STPG2: variants seen among roughly 807,000 people sequenced by gnomAD.
STPG2 encodes sperm-tail PG-rich repeat-containing protein 2.
In STPG2, 56 loss-of-function variants were observed where a neutral mutation model predicts 54.2. That is an observed-to-expected ratio of 1.03 (90% CI 0.83 to 1.29). The LOEUF is 1.29. Ranked by LOEUF, STPG2 falls within the 50% of genes most tolerant of loss-of-function variation. The pLI is 0.00. For missense variants in STPG2, 596 were observed against 544.9 expected, an observed-to-expected ratio of 1.09 and a Z score of -0.93; for synonymous variants, 200 against 181.8, an observed-to-expected ratio of 1.10 and a Z score of -0.81.
At chr4:97,508,367 TC>T (rs1200369600) in intron 4 of STPG2, among the ~76,000 whole-genome samples, 2 of 152,090 alleles carry the variant, frequency 1.3e-5, no homozygotes, top group Admixed American at 1.3e-4. Context: ...ACATGACACA[TC>T]TATGGCACAT....
chr4:97,993,661 T>G (rs2149270945), intron 5 of STPG2, among the ~76,000 whole-genome samples: 1 of 152,258 alleles, frequency 6.6e-6, no homozygotes, highest in East Asian at 1.9e-4. Flanking sequence ...ATAGGATTGG[T>G]ACCAATTCTT....
chr4:97,598,947 G>C (rs750215702), intron 10 of STPG2, among the ~76,000 whole-genome samples: 10 of 151,968 alleles, frequency 6.6e-5, no homozygotes, highest in Admixed American at 2.0e-4. Flanking sequence ...AAACTAAAGA[G>C]CTTCTGCCAG....
intron 8 of STPG2, among the ~76,000 whole-genome samples, chr4:97,938,677 A>T (rs1008731389): frequency 2.0e-5 from 3 of 152,008 alleles, no homozygotes; most frequent in Non-Finnish European, 4.4e-5. Flanking sequence ...TGGCACGCTC[A>T]CTCACTGCCT....
At chr4:97,938,406 C>T (rs1202961123) in intron 8 of STPG2, among the ~76,000 whole-genome samples, 1 of 139,594 alleles carries the variant, frequency 7.2e-6, no homozygotes, top group Admixed American at 7.3e-5. Context: ...ATGGCTATCC[C>T]TCCCTCGGGG....
intron 10 of STPG2, among the ~76,000 whole-genome samples, chr4:97,566,196 T>A (rs1407693784): frequency 6.6e-6 from 1 of 152,150 alleles, no homozygotes; most frequent in East Asian, 1.9e-4. Context: ...CAGACTGCTG[T>A]GCTAGCAATC....
At chr4:97,703,654 A>G (rs1335004216) in intron 10 of STPG2, among the ~76,000 whole-genome samples, 1 of 134,250 alleles carries the variant, frequency 7.4e-6, no homozygotes, top group African/African-American at 3.1e-5. Flanking sequence ...AACATATATA[A>G]ATAAAACATA....
In STPG2 at chr4:97,559,369, G is replaced by T. The variant is rs72889085; in HGVS notation, c.1321-252C>A. On this transcript the variant is annotated intron_variant, in intron 10 of 10. Coordinates refer to ENST00000295268, the MANE Select transcript of STPG2 (RefSeq NM_174952.3). The stretch of plus-strand genomic sequence containing the variant: ...TACTTTTATTTTTTACTTCAAGTAG[G>T]TCTGTTGTGCACTTATTTACTTGTA... Among the ~76,000 whole-genome samples, 449 of 152,018 alleles carry T rather than the reference G, an allele frequency of 3.0e-3. 1 individual carries two copies. The highest frequency in any genetic ancestry group is 0.01 in the African/African-American group (434 of 41,476).
At chr4:97,578,882 GC>G (rs1732790902) in intron 10 of STPG2, among the ~76,000 whole-genome samples, 1 of 152,058 alleles carries the variant, frequency 6.6e-6, no homozygotes, top group Non-Finnish European at 1.5e-5. Flanking sequence ...GCATAGTCAG[GC>G]CTCCACTGGC....
intron 8 of STPG2, among the ~76,000 whole-genome samples, chr4:97,896,584 T>C (rs951071013): frequency 4.0e-5 from 6 of 151,890 alleles, no homozygotes; most frequent in East Asian, 3.9e-4. Context: ...TAATGGATGG[T>C]TGCCGAATTT....
At chr4:97,957,089 T>C (rs1733699512) in intron 7 of STPG2, among the ~76,000 whole-genome samples, 1 of 151,204 alleles carries the variant, frequency 6.6e-6, no homozygotes, top group Admixed American at 6.6e-5. Context: ...ATATGTGAAA[T>C]ATACATAGGT....
chr4:97,894,284 A>G (rs769757518), intron 8 of STPG2, among the ~76,000 whole-genome samples: 8 of 151,956 alleles, frequency 5.3e-5, no homozygotes, highest in Non-Finnish European at 8.8e-5. Flanking sequence ...TATCAAATGA[A>G]ATTTAAGGTG....
intron 1 of STPG2, among the ~76,000 whole-genome samples, chr4:98,135,807 A>G (rs1740119326): frequency 6.6e-6 from 1 of 151,906 alleles, no homozygotes; most frequent in South Asian, 2.1e-4. Flanking sequence ...TGTCTGGTAG[A>G]GCTGAGAAAT....
intron 10 of STPG2, among the ~76,000 whole-genome samples, chr4:97,642,473 A>C (rs927514385): frequency 4.0e-5 from 6 of 151,412 alleles, no homozygotes; most frequent in Non-Finnish European, 7.4e-5. Context: ...TTGATCTATA[A>C]ATATTATTTA....
chr4:98,114,302 T>C (rs1433429245), intron 3 of STPG2, among the ~76,000 whole-genome samples: 1 of 152,096 alleles, frequency 6.6e-6, no homozygotes, highest in Non-Finnish European at 1.5e-5. Flanking sequence ...AAGCAGAACA[T>C]CATAATTGTG....
At chr4:97,904,353 A>G (rs1731312480) in intron 8 of STPG2, among the ~76,000 whole-genome samples, 1 of 152,186 alleles carries the variant, frequency 6.6e-6, no homozygotes, top group Non-Finnish European at 1.5e-5. Flanking sequence ...GACACCTCAC[A>G]CGGCTGGCCA....
At chr4:97,563,035 A>G (rs1370357803) in intron 10 of STPG2, among the ~76,000 whole-genome samples, 1 of 152,002 alleles carries the variant, frequency 6.6e-6, no homozygotes, top group African/African-American at 2.4e-5. Flanking sequence ...TCCTCCTTGT[A>G]CCTCTGGTAG....
intron 10 of STPG2, among the ~76,000 whole-genome samples, chr4:97,668,547 C>T (rs1413076968): frequency 6.6e-6 from 1 of 150,478 alleles, no homozygotes; most frequent in African/African-American, 2.4e-5. Flanking sequence ...GAAAGAATAG[C>T]ATGAATTCAA....
At position 97,981,206 on chromosome 4, in the gene STPG2, T is replaced by G. The variant is rs567902903; in HGVS notation, c.725A>C (p.Gln242Pro). 6.2e-7 allele frequency: 1 copy of G among 1,614,046 alleles called. No homozygotes were observed. The highest frequency in any genetic ancestry group is 8.5e-7 in the Non-Finnish European group (1 of 1,179,958). The change falls in exon 6 of 11, where the codon CAA becomes CCA. Residue 242 changes from glutamine to proline, a missense_variant. Gln to Pro is a moderately conservative substitution (Grantham distance 76). Coordinates refer to ENST00000295268, the MANE Select transcript of STPG2 (RefSeq NM_174952.3). ...GTCCTGTGTGAATCGAACAGCACTT[T>G]GACCAAATGGAATATTTTTCAGTCC... is the stretch of plus-strand genomic sequence containing the variant. ...TSGLKNIPFG[Q>P]SAVRFTQDIR...
In STPG2 at chr4:97,947,224, T is replaced by TGA. The variant is rs543209621; in HGVS notation, c.934-3219_934-3218dup. The stretch of plus-strand genomic sequence containing the variant: ...ATCAGTGTTACTGATTTGCGTACAT[T>TGA]GATTTTGTAACCTGAGACATTACTG... On this transcript the variant is annotated intron_variant, in intron 7 of 10. Transcript: ENST00000295268. 1.3e-5 allele frequency among the ~76,000 whole-genome samples: 2 copies of TGA among 152,184 alleles called. 1 individual carries two copies. The highest frequency in any genetic ancestry group is 2.9e-5 in the Non-Finnish European group (2 of 68,018).
Sources: gnomAD v4.1 joint callset for allele counts (sites outside exome capture counted in the v4.1 genomes callset) on GRCh38, gnomAD v4.1.1 for gene constraint, MANE v1.5 for transcripts, NCBI Gene and HGNC (gene_info 2026-07-23, HGNC 2026-07-21) for gene names.